The following ABCC9 variants were observed in gnomAD, a reference collection of about 807,000 sequenced individuals.
ABCC9 encodes the protein ATP-binding cassette sub-family C member 9.
A neutral mutation model predicts 188.3 loss-of-function variants in ABCC9; 95 were observed. The observed-to-expected ratio is 0.50, with a 90% confidence interval of 0.43 to 0.60. The LOEUF is 0.60. Among genes scored for constraint, ABCC9 ranks in the 20% least tolerant of loss-of-function variants. The pLI, the probability that ABCC9 is intolerant of heterozygous loss-of-function variation, is 0.00. For synonymous variants in ABCC9, 659 were observed against 652.7 expected (o/e 1.01, Z -0.15); for missense variants, 1,102 against 1,876.3 (o/e 0.59, Z 7.62).
chr12:21,891,082 A>T (rs1947138999), intron 14 of ABCC9, among the ~76,000 whole-genome samples: 1 of 152,138 alleles, frequency 6.6e-6, no homozygotes, highest in Non-Finnish European at 1.5e-5. Context: ...TAGCTTTATA[A>T]CACCATAACC....
At chr12:21,897,183 C>T (rs1289452031) in intron 12 of ABCC9, among the ~76,000 whole-genome samples, 3 of 152,148 alleles carry the variant, frequency 2.0e-5, no homozygotes, top group Non-Finnish European at 4.4e-5. Context: ...TGATGTTGAG[C>T]TTTATTTCAT....
chr12:21,797,716 T>G lies in ABCC9; in HGVS notation c.*3328A>C, dbSNP rs1238944654. On this transcript the variant is annotated 3_prime_UTR_variant, in exon 40 of 40. Transcript: ENST00000261200. ...TTCTGGTATCTAATCTAGAGCTGAG[T>G]AGACTTTTAAATGGATCATGAGTAA... 2 of 152,170 alleles carry G rather than the reference T, an allele frequency of 1.3e-5. No homozygotes were observed. The highest frequency in any genetic ancestry group is 2.9e-5 in the Non-Finnish European group (2 of 68,028). The allele number at this position is 152,170 out of a possible 1,614,324, so 9.4% of individuals were successfully genotyped here.
In ABCC9 at chr12:21,845,784, C is replaced by T. The variant is rs781525973; in HGVS notation, c.2915G>A (p.Arg972Lys). 2.5e-6 allele frequency: 4 copies of T among 1,613,838 alleles called. No homozygotes were observed. The highest frequency in any genetic ancestry group is 3.4e-6 in the Non-Finnish European group (4 of 1,179,852). Residue 972 changes from arginine (R) to lysine (K), a missense_variant, in exon 26 of 40, where the codon AGG becomes AAG. Transcript: ENST00000261200. ...TTTCCATGGCATTTTAGTCCTGAGCCTCATTACAGTGGACATGTTATCATC... is the reference window on the plus strand; with the variant it reads ...TTTCCATGGCATTTTAGTCCTGAGCTTCATTACAGTGGACATGTTATCATC... ...DEDDNMSTVM[R>K]LRTKMPWKTC... is the part of the protein sequence containing the mutation.
intron 24 of ABCC9, among the ~76,000 whole-genome samples, chr12:21,851,186 G>A (rs1384884835): frequency 6.6e-6 from 1 of 151,904 alleles, no homozygotes; most frequent in Non-Finnish European, 1.5e-5. Context: ...CCAAGTGCTG[G>A]ACACTTTGTA....
chr12:21,896,711 T>C (rs528735273), intron 12 of ABCC9, among the ~76,000 whole-genome samples: 3 of 152,284 alleles, frequency 2.0e-5, no homozygotes, highest in African/African-American at 7.2e-5. Flanking sequence ...GTTAGGATAA[T>C]GGCTTCCAGC....
At chr12:21,810,976 G>T (rs1386635146) in intron 36 of ABCC9, among the ~76,000 whole-genome samples, 1 of 152,082 alleles carries the variant, frequency 6.6e-6, no homozygotes, top group African/African-American at 2.4e-5. Flanking sequence ...TCAAATGAGA[G>T]ATGTGATCTG....
chr12:21,928,519 T>C (rs952184964), intron 4 of ABCC9, among the ~76,000 whole-genome samples: 4 of 151,972 alleles, frequency 2.6e-5, no homozygotes, highest in African/African-American at 9.7e-5. Context: ...TTAGGAAATT[T>C]TAAAGTGAGC....
Position 21,815,911 on chromosome 12 carries a change from G to A in ABCC9, c.3893-18C>T. 6.2e-7 allele frequency: 1 copy of A among 1,608,492 alleles called. No individual in the cohort carries two copies. Among genetic ancestry groups the A allele is most frequent in the Non-Finnish European group, 8.5e-7 (1 of 1,176,048 alleles). On this transcript the variant is annotated intron_variant, in intron 33 of 39. Coordinates refer to ENST00000261200, the MANE Select transcript of ABCC9 (RefSeq NM_020297.4). ...AGAAGGATCTGGAGGATGGGATGGGGAAATAGACAGATAATAGGCAGATAG... is the reference window on the plus strand; with the variant it reads ...AGAAGGATCTGGAGGATGGGATGGGAAAATAGACAGATAATAGGCAGATAG...
At chr12:21,913,664 A>G (rs531884476) in intron 7 of ABCC9, among the ~76,000 whole-genome samples, 1 of 152,320 alleles carries the variant, frequency 6.6e-6, no homozygotes, top group South Asian at 2.1e-4. Context: ...GGTATTCCTC[A>G]AAGAAATGCA....
At chr12:21,805,377 A>G in intron 39 of ABCC9, 1 of 1,521,050 alleles carries the variant, frequency 6.6e-7, no homozygotes, top group Non-Finnish European at 9.1e-7. Context: ...CTCATTAAAA[A>G]ATAGTTTTTA....
At position 21,899,852 on chromosome 12, in the gene ABCC9, C is replaced by A. The variant is rs546693716; in HGVS notation, c.1619-4537G>T. On this transcript the variant is annotated intron_variant, in intron 12 of 39. Transcript: ENST00000261200. The stretch of plus-strand genomic sequence containing the variant: ...TGGAACCCACCGCAGCTCAAGGAGG[C>A]CTGCCTGCCTCTGTAGACTCCACCT... Among the ~76,000 whole-genome samples, 13 of 152,318 alleles carry A rather than the reference C, an allele frequency of 8.5e-5. No individual in the cohort carries two copies. The South Asian group carries it at 2.7e-3, about 32-fold the overall frequency.
In ABCC9 at chr12:21,882,763, A is replaced by T. The variant is rs764745408; in HGVS notation, c.2019+3T>A. ...ATGTAAGAATCCAGGAAATAAAAAT[A>T]ACCTTTATTGCAATGTCCTCTGTTT... On this transcript the variant is annotated splice_donor_region_variant and intron_variant, in intron 16 of 39. Transcript: ENST00000261200. 2 of 1,600,260 alleles carry T rather than the reference A, an allele frequency of 1.2e-6. No individual in the cohort carries two copies. The highest frequency in any genetic ancestry group is 1.7e-6 in the Non-Finnish European group (2 of 1,167,346).
intron 12 of ABCC9, among the ~76,000 whole-genome samples, chr12:21,898,452 G>T (rs148868884): frequency 1.0e-3 from 157 of 152,210 alleles, no homozygotes; most frequent in African/African-American, 3.5e-3. Context: ...TATGTTAGTG[G>T]TGCATTGCTG....
At chr12:21,833,831 C>T (rs143667937) in intron 30 of ABCC9, among the ~76,000 whole-genome samples, 2 of 152,256 alleles carry the variant, frequency 1.3e-5, no homozygotes, top group Non-Finnish European at 2.9e-5. Flanking sequence ...TAATCTTCTC[C>T]GTTAACTGTC....
chr12:21,929,755 T>A (rs1489844802), intron 4 of ABCC9, among the ~76,000 whole-genome samples: 1 of 151,584 alleles, frequency 6.6e-6, no homozygotes, highest in Non-Finnish European at 1.5e-5. Flanking sequence ...ACTAGAAGAG[T>A]GTGTTATCAT....
At chr12:21,842,733 T>C (rs1384881138) in intron 28 of ABCC9, among the ~76,000 whole-genome samples, 1 of 152,214 alleles carries the variant, frequency 6.6e-6, no homozygotes, top group Non-Finnish European at 1.5e-5. Flanking sequence ...ACTATAAATA[T>C]TATTCATTCA....
In ABCC9 at chr12:21,838,109, C is replaced by T. The variant is rs1381771403; in HGVS notation, c.3535G>A (p.Ala1179Thr). Residue 1179 changes from alanine to threonine, a missense_variant, in exon 30 of 40, where the codon GCA becomes ACA. This residue lies in a region of ABCC9 where 143 missense variants were observed against 225.6 expected (regional missense o/e 0.63). Transcript: ENST00000261200. ...GCCCGAATGGTGGTGAGTCCTTCTG[C>T]TGTTTCTGAGAAGTGACAGAGCAGA... is the stretch of plus-strand genomic sequence containing the variant. Reference protein sequence around the residue: ...LPLLCHFSETAEGLTTIRAFR... With the variant: ...LPLLCHFSETTEGLTTIRAFR... 1 of 1,614,120 alleles carries T rather than the reference C, an allele frequency of 6.2e-7. No individual in the cohort carries two copies. Among genetic ancestry groups the T allele is most frequent in the Admixed American group, 1.7e-5 (1 of 60,012 alleles).
chr12:21,857,054 T>C (rs1945263002), intron 22 of ABCC9, among the ~76,000 whole-genome samples: 1 of 152,168 alleles, frequency 6.6e-6, no homozygotes, highest in Admixed American at 6.6e-5. Flanking sequence ...ATGTGAGATA[T>C]TATTATTTTT....
rs555796170 is a variant in ABCC9 at position 21,867,344 on chromosome 12, C to T, written c.2199-2867G>A. On this transcript the variant is annotated intron_variant, in intron 18 of 39. Coordinates refer to ENST00000261200, the MANE Select transcript of ABCC9 (RefSeq NM_020297.4). ...ATCCTCCACCATTCAATGTGGTACT[C>T]TACAGCACTCAAGACAACAGGAGAA... 6.7e-4 allele frequency among the ~76,000 whole-genome samples: 102 copies of T among 152,190 alleles called. No individual in the cohort carries two copies. In the Middle Eastern group the frequency reaches 0.014, roughly 20 times the overall value.
Sources: gnomAD v4.1 joint callset for allele counts (sites outside exome capture counted in the v4.1 genomes callset) on GRCh38, gnomAD v4.1.1 for gene constraint, gnomAD v4.1.1 regional missense constraint, MANE v1.5 for transcripts, NCBI Gene and HGNC (gene_info 2026-07-23, HGNC 2026-07-21) for gene names.